NFE2L3: variants seen among roughly 807,000 people sequenced by gnomAD.
NFE2L3 encodes nuclear factor erythroid 2-related factor 3.
NFE2L3 carries 18 observed loss-of-function variants against 23.5 expected under a neutral mutation model. The observed-to-expected ratio is 0.77, with a 90% CI of 0.53 to 1.13. The LOEUF is 1.13. Among genes scored for constraint, NFE2L3 ranks in the 50% most tolerant of loss-of-function variants. The probability of loss-of-function intolerance (pLI) is 0.00; values close to 1 mark genes in which losing one functional copy is unlikely to be tolerated. For synonymous variants in NFE2L3, 424 were observed against 354.5 expected (o/e 1.20, Z -2.20); for missense variants, 1,152 against 877.2 (o/e 1.31, Z -3.96).
intron 1 of NFE2L3, among the ~76,000 whole-genome samples, chr7:26,169,014 C>T (rs1427999857): frequency 6.6e-6 from 1 of 152,212 alleles, no homozygotes; most frequent in Non-Finnish European, 1.5e-5. Flanking sequence ...CTTGGGACCT[C>T]CTAGCCACTA....
Position 26,186,503 on chromosome 7 carries a change from T to G in NFE2L3, c.*720T>G, listed in dbSNP as rs745694896. ...AATACTTAACACACAGAATACTATG[T>G]GATATAGAATGCACTGAAGACCTAC... On this transcript the variant is annotated 3_prime_UTR_variant, in exon 4 of 4. Coordinates refer to ENST00000056233, the MANE Select transcript of NFE2L3 (RefSeq NM_004289.7). The G allele has an allele frequency of 2.0e-5, 3 of 152,068 alleles. No homozygotes were observed. The highest frequency in any genetic ancestry group is 4.4e-5 in the Non-Finnish European group (3 of 68,024). 9.4% of individuals were successfully genotyped at this position (152,068 alleles called of 1,614,324 possible). A position where few individuals can be genotyped will look rare whatever the true frequency, so the allele number is the denominator to read the frequency against.
At position 26,185,807 on chromosome 7, in the gene NFE2L3, T is replaced by G. The variant is rs770170501; in HGVS notation, c.*24T>G. 1.3e-6 allele frequency: 2 copies of G among 1,548,256 alleles called. No individual in the cohort carries two copies. The highest frequency in any genetic ancestry group is 2.5e-5 in the South Asian group (2 of 81,358). On this transcript the variant is annotated 3_prime_UTR_variant, in exon 4 of 4. Coordinates refer to ENST00000056233, the MANE Select transcript of NFE2L3 (RefSeq NM_004289.7). ...GAGAAGAAACTGAAGATGGACTCTA[T>G]TATGTGAAGTAGTAATGTTCAGAAA...
intron 1 of NFE2L3, among the ~76,000 whole-genome samples, chr7:26,177,044 G>A (rs1420713665): frequency 2.3e-5 from 1 of 43,698 alleles, no homozygotes; most frequent in Non-Finnish European, 3.8e-5. Flanking sequence ...GACGATGGGC[G>A]GCCAGGCAGA....
chr7:26,162,824 C>T (rs1355998750), intron 1 of NFE2L3, among the ~76,000 whole-genome samples: 1 of 151,860 alleles, frequency 6.6e-6, no homozygotes. Flanking sequence ...GTGATCCTCC[C>T]ACCTCAGCCT....
intron 1 of NFE2L3, among the ~76,000 whole-genome samples, chr7:26,168,500 C>T (rs1032137632): frequency 2.0e-5 from 3 of 147,940 alleles, no homozygotes. Context: ...AGTATTCCAT[C>T]ATATATATAT....
Position 26,185,294 on chromosome 7 carries a change from TAG to T in NFE2L3, c.1598_1599del (p.Arg533LysfsTer5), listed in dbSNP as rs771018989. ...GGAGTAGATACCTTGAAGACACAGATAGAAACTTGAGCCGTGATGAACAGCGT... is the reference window on the plus strand; with the variant it reads ...GGAGTAGATACCTTGAAGACACAGATAAACTTGAGCCGTGATGAACAGCGT... ...IRSRYLEDTD[R>X]NLSRDEQRAK... On this transcript the variant is annotated frameshift_variant, in exon 4 of 4. Coordinates refer to ENST00000056233, the MANE Select transcript of NFE2L3 (RefSeq NM_004289.7). LOFTEE classifies it low-confidence loss of function (END_TRUNC). 1 of 1,613,960 alleles carries T rather than the reference TAG, an allele frequency of 6.2e-7. No homozygotes were observed. The highest frequency in any genetic ancestry group is 8.5e-7 in the Non-Finnish European group (1 of 1,179,976).
chr7:26,181,828 A>G (rs1414266496), intron 2 of NFE2L3, among the ~76,000 whole-genome samples: 1 of 152,190 alleles, frequency 6.6e-6, no homozygotes, highest in Non-Finnish European at 1.5e-5. Context: ...CTAGATATGA[A>G]AAAAGTCATT....
chr7:26,183,616 CTGGTGATCCTTTAAAGATA>C, intron 2 of NFE2L3, 66 bp from the exon 3 acceptor site: 1 of 789,476 alleles, frequency 1.3e-6, no homozygotes, highest in African/African-American at 1.7e-5. Context: ...GAAATAATAC[CTGGTGATCCTTTAAAGATA>C]AAGCCTAAAG....
chr7:26,185,283 G>T lies in NFE2L3; in HGVS notation c.1585G>T (p.Glu529Ter). ...KSQKIRSRYL[E>*]DTDRNLSRDE... ...ACAGAAGATAAGGAGTAGATACCTT[G>T]AAGACACAGATAGAAACTTGAGCCG... The change falls in exon 4 of 4, where the codon GAA becomes TAA. Residue 529 changes from glutamate (E) to a stop codon, truncating the protein, a stop_gained. Transcript: ENST00000056233. LOFTEE classifies it low-confidence loss of function (END_TRUNC). The T allele has an allele frequency of 1.2e-6, 2 of 1,614,118 alleles. No individual in the cohort carries two copies. The highest frequency in any genetic ancestry group is 8.5e-7 in the Non-Finnish European group (1 of 1,180,006).
At position 26,186,853 on chromosome 7, in the gene NFE2L3, C is replaced by T. The variant is rs552524335; in HGVS notation, c.*1070C>T. 2.6e-5 allele frequency: 4 copies of T among 152,184 alleles called. No individual in the cohort carries two copies. The highest frequency in any genetic ancestry group is 7.2e-5 in the African/African-American group (3 of 41,518). The allele number at this position is 152,184 out of a possible 1,614,324, so 9.4% of individuals were successfully genotyped here. A position where few individuals can be genotyped will look rare whatever the true frequency, so the allele number is the denominator to read the frequency against. ...AAATAATAGCATTTGAAATGAAAAC[C>T]TCACTTAAGTTCACTAGAACAGTAA... On this transcript the variant is annotated 3_prime_UTR_variant, in exon 4 of 4. Coordinates refer to ENST00000056233, the MANE Select transcript of NFE2L3 (RefSeq NM_004289.7).
chr7:26,175,790 A>AAG (rs1161318305), intron 1 of NFE2L3, among the ~76,000 whole-genome samples: 1 of 151,656 alleles, frequency 6.6e-6, no homozygotes, highest in Non-Finnish European at 1.5e-5. Flanking sequence ...AAAAAAAAAA[A>AAG]AAAATAGTTT....
intron 2 of NFE2L3, among the ~76,000 whole-genome samples, chr7:26,181,702 CCTCTGAAAAAGA>C (rs1784513874): frequency 6.6e-6 from 1 of 152,050 alleles, no homozygotes; most frequent in Non-Finnish European, 1.5e-5. Flanking sequence ...GATTCCTAGT[CCTCTGAAAAAGA>C]CTCTAAATCA....
chr7:26,165,046 CT>C (rs1784227455), intron 1 of NFE2L3, among the ~76,000 whole-genome samples: 1 of 152,214 alleles, frequency 6.6e-6, no homozygotes, highest in South Asian at 2.1e-4. Context: ...GTTTTGGTTA[CT>C]GTAGCCTTGT....
intron 1 of NFE2L3, chr7:26,174,645 A>G (rs1003829552): frequency 6.6e-6 from 1 of 152,266 alleles, no homozygotes; most frequent in African/African-American, 2.4e-5. Flanking sequence ...CCAGCAGAAC[A>G]TCAGCCTCCT....
At position 26,152,989 on chromosome 7, in the gene NFE2L3, C is replaced by A. The variant is rs954801059; in HGVS notation, c.491C>A (p.Pro164His). 5.3e-6 allele frequency: 8 copies of A among 1,516,312 alleles called. No homozygotes were observed. Among genetic ancestry groups the A allele is most frequent in the South Asian group, 2.4e-5 (2 of 83,212 alleles). 93.9% of individuals were successfully genotyped at this position (1,516,312 alleles called of 1,614,324 possible). Residue 164 changes from proline to histidine, a missense_variant, in exon 1 of 4, where the codon CCC becomes CAC. Coordinates refer to ENST00000056233, the MANE Select transcript of NFE2L3 (RefSeq NM_004289.7). The surrounding 1 kb of genome is among the most constrained non-coding windows in gnomAD (Gnocchi z 4.4). ...GGDPRAARSG[P>H]LDAGEEEKAP... is the part of the protein sequence containing the mutation. ...GACCCCCGAGCGGCTCGGAGTGGCC[C>A]CTTGGACGCCGGGGAAGAGGAGAAG...
chr7:26,175,645 GC>G lies in NFE2L3; in HGVS notation c.571-2296del, dbSNP rs1199754930. Among the ~76,000 whole-genome samples the G allele has an allele frequency of 2.6e-5, 4 of 151,864 alleles. No individual in the cohort carries two copies. The East Asian group carries it at 7.8e-4, about 29-fold the overall frequency. ...ACAACAAAAATTAGCCGGGTGTGGT[GC>G]CGGGCACCTGTAGTCCCAGTTACTG... On this transcript the variant is annotated intron_variant, in intron 1 of 3. Transcript: ENST00000056233.
In NFE2L3 at chr7:26,177,923, G is replaced by T; in HGVS notation, c.571-20G>T. ...TTTAAAGACTGTTTGCTTATTTGAT[G>T]AAATTTCGTACTTTTATAGGAGAAT... On this transcript the variant is annotated intron_variant, in intron 1 of 3. Coordinates refer to ENST00000056233, the MANE Select transcript of NFE2L3 (RefSeq NM_004289.7). The T allele has an allele frequency of 6.2e-7, 1 of 1,600,904 alleles. No homozygotes were observed. The highest frequency in any genetic ancestry group is 8.5e-7 in the Non-Finnish European group (1 of 1,174,454).
At chr7:26,159,672 G>A (rs567241128) in intron 1 of NFE2L3, among the ~76,000 whole-genome samples, 29 of 152,308 alleles carry the variant, frequency 1.9e-4, no homozygotes, top group Admixed American at 1.6e-3. Context: ...ATCCTGATGG[G>A]CCATCTGACT....
chr7:26,175,619 TACA>T (rs1784390009), intron 1 of NFE2L3, among the ~76,000 whole-genome samples: 1 of 150,482 alleles, frequency 6.6e-6, no homozygotes, highest in Non-Finnish European at 1.5e-5. Flanking sequence ...CTACTAAAAA[TACA>T]ACAAAAATTA....
Sources: gnomAD v4.1 joint callset for allele counts (sites outside exome capture counted in the v4.1 genomes callset) on GRCh38, gnomAD v4.1.1 for gene constraint, Gnocchi (gnomAD v3.1) non-coding constraint, MANE v1.5 for transcripts, NCBI Gene and HGNC (gene_info 2026-07-23, HGNC 2026-07-21) for gene names.